TSHZ2: variants seen among roughly 807,000 people sequenced by gnomAD.
TSHZ2 encodes the protein teashirt homolog 2.
TSHZ2 carries 21 observed loss-of-function variants against 74.4 expected under a neutral mutation model. That is an observed-to-expected ratio of 0.28 (90% CI 0.20 to 0.41). The LOEUF (loss-of-function observed/expected upper bound fraction) is 0.41, where lower values mean the gene tolerates loss of function less well. TSHZ2 is among the 10% of genes least tolerant of loss of function. The probability of loss-of-function intolerance (pLI) is 1.00; values close to 1 mark genes in which losing one functional copy is unlikely to be tolerated. For synonymous variants in TSHZ2, 540 were observed against 515.3 expected, an observed-to-expected ratio of 1.05 and a Z score of -0.65; for missense variants, 1,244 against 1,293.5, an observed-to-expected ratio of 0.96 and a Z score of 0.59.
At chr20:53,272,277 T>A (rs570035672) in intron 2 of TSHZ2, among the ~76,000 whole-genome samples, 3 of 152,262 alleles carry the variant, frequency 2.0e-5, no homozygotes, top group Non-Finnish European at 4.4e-5. Flanking sequence ...CCCAAAGTGC[T>A]AGGATTACAG....
chr20:53,391,496 A>G (rs1371613136), intron 2 of TSHZ2, among the ~76,000 whole-genome samples: 1 of 150,398 alleles, frequency 6.6e-6, no homozygotes, highest in African/African-American at 2.4e-5. Context: ...TTTTTTTACA[A>G]TCACAGCTCA....
At chr20:53,042,678 T>G (rs1411221288) in intron 1 of TSHZ2, among the ~76,000 whole-genome samples, 1 of 142,450 alleles carries the variant, frequency 7.0e-6, no homozygotes, top group Admixed American at 7.3e-5. Context: ...TATTAACTAC[T>G]ACACTATTAT....
At chr20:52,981,713 A>G (rs554689385) in intron 1 of TSHZ2, among the ~76,000 whole-genome samples, 12 of 152,370 alleles carry the variant, frequency 7.9e-5, no homozygotes, top group Non-Finnish European at 1.8e-4. Flanking sequence ...TTTGGAGTCC[A>G]GCACCCGCTC....
intron 2 of TSHZ2, among the ~76,000 whole-genome samples, chr20:53,341,286 TACA>T (rs941931643): frequency 3.3e-5 from 5 of 152,298 alleles, no homozygotes; most frequent in East Asian, 1.9e-4. Context: ...AGGGAACGAA[TACA>T]ACAACATTGA....
Position 53,448,540 on chromosome 20 carries a change from TAAAC to T in TSHZ2, c.*9-38603_*9-38600del, listed in dbSNP as rs1195561760. Among the ~76,000 whole-genome samples the T allele has an allele frequency of 2.0e-5, 3 of 152,336 alleles. No homozygotes were observed. In the East Asian group the frequency reaches 5.8e-4, roughly 29 times the overall value. On this transcript the variant is annotated intron_variant, in intron 2 of 2. Transcript: ENST00000371497. ...GGTCAATTTCTGTGTTTCCTCAAAA[TAAAC>T]CATAAACATCAGTTCTATCAGATAA...
chr20:53,050,098 T>C (rs1211855326), intron 1 of TSHZ2, among the ~76,000 whole-genome samples: 4 of 76,124 alleles, frequency 5.3e-5, no homozygotes, highest in Non-Finnish European at 8.9e-5. Flanking sequence ...AAAATGTATA[T>C]GTGTGTATAT....
intron 2 of TSHZ2, among the ~76,000 whole-genome samples, chr20:53,259,450 A>G (rs1392044220): frequency 3.3e-5 from 5 of 152,256 alleles, no homozygotes; most frequent in Admixed American, 1.3e-4. Context: ...CAATTTCAAT[A>G]TGTATTTGTA....
At chr20:53,109,654 C>T (rs917869604) in intron 1 of TSHZ2, among the ~76,000 whole-genome samples, 4 of 152,204 alleles carry the variant, frequency 2.6e-5, no homozygotes, top group African/African-American at 7.2e-5. Context: ...GGAGTTTCAT[C>T]GATATTTCCC....
At chr20:53,361,338 T>C (rs950298234) in intron 2 of TSHZ2, among the ~76,000 whole-genome samples, 3 of 152,204 alleles carry the variant, frequency 2.0e-5, no homozygotes, top group Non-Finnish European at 4.4e-5. Context: ...TGCAACATAA[T>C]AGGCAGGTAT....
intron 2 of TSHZ2, among the ~76,000 whole-genome samples, chr20:53,308,575 G>A (rs1016158511): frequency 1.3e-5 from 2 of 152,088 alleles, no homozygotes; most frequent in African/African-American, 4.8e-5. Context: ...CTGGGTCACC[G>A]GGGGAGGCAT....
At chr20:53,001,205 CGTGTGTGTGTGTGTGTGTGT>C (rs558621179) in intron 1 of TSHZ2, among the ~76,000 whole-genome samples, 8 of 94,192 alleles carry the variant, frequency 8.5e-5, no homozygotes, top group South Asian at 3.5e-4. Context: ...CGTTCATGTG[CGTGTGTGTGTGTGTGTGTGT>C]GTGTGTGTGT....
chr20:53,173,570 TGCACTCCAG>T (rs1433809781), intron 1 of TSHZ2, among the ~76,000 whole-genome samples: 3 of 152,186 alleles, frequency 2.0e-5, no homozygotes, highest in Non-Finnish European at 2.9e-5. Flanking sequence ...GTAGCGCCAC[TGCACTCCAG>T]CCTGGGCAAC....
intron 2 of TSHZ2, among the ~76,000 whole-genome samples, chr20:53,449,234 C>A (rs556279971): frequency 1.3e-5 from 2 of 152,278 alleles, no homozygotes; most frequent in South Asian, 4.1e-4. Flanking sequence ...CAAACCATAC[C>A]TGGGATATTT....
intron 1 of TSHZ2, among the ~76,000 whole-genome samples, chr20:53,197,322 A>C (rs1030024190): frequency 6.6e-6 from 1 of 152,224 alleles, no homozygotes; most frequent in Non-Finnish European, 1.5e-5. Context: ...TTTTTAAAAA[A>C]ATTTTGATTC....
intron 1 of TSHZ2, among the ~76,000 whole-genome samples, chr20:53,131,461 G>C (rs1203043035): frequency 6.6e-6 from 1 of 152,148 alleles, no homozygotes; most frequent in Non-Finnish European, 1.5e-5. Flanking sequence ...AAAAAAATAA[G>C]TTAAAAGCTG....
intron 2 of TSHZ2, among the ~76,000 whole-genome samples, chr20:53,463,638 G>A (rs1002125286): frequency 6.6e-6 from 1 of 152,174 alleles, no homozygotes; most frequent in African/African-American, 2.4e-5. Context: ...TCTTGGTAGT[G>A]CATTAGAATC....
chr20:53,078,363 TAGA>T (rs1018852267), intron 1 of TSHZ2, among the ~76,000 whole-genome samples: 3 of 152,208 alleles, frequency 2.0e-5, no homozygotes, highest in Non-Finnish European at 4.4e-5. Context: ...TTGTTCATTG[TAGA>T]AGATTTGCCA....
intron 2 of TSHZ2, among the ~76,000 whole-genome samples, chr20:53,345,706 C>A (rs1354137401): frequency 7.6e-6 from 1 of 131,030 alleles, no homozygotes; most frequent in African/African-American, 2.9e-5. Flanking sequence ...TATCTTTCAT[C>A]CCCAAGAATG....
chr20:53,249,596 A>C (rs149299896), intron 1 of TSHZ2, among the ~76,000 whole-genome samples: 1 of 152,206 alleles, frequency 6.6e-6, no homozygotes, highest in Non-Finnish European at 1.5e-5. Context: ...GGAACCTGCT[A>C]TGTGATGGTG....
Sources: gnomAD v4.1 joint callset for allele counts (sites outside exome capture counted in the v4.1 genomes callset) on GRCh38, gnomAD v4.1.1 for gene constraint, MANE v1.5 for transcripts, NCBI Gene and HGNC (gene_info 2026-07-23, HGNC 2026-07-21) for gene names.